The following ARID2 variants were observed in gnomAD, a reference collection of about 807,000 sequenced individuals.
ARID2 encodes AT-rich interactive domain-containing protein 2.
Under a neutral mutation model 184.6 loss-of-function variants are expected in ARID2, and 32 were observed. The observed-to-expected ratio is 0.17, with a 90% CI of 0.13 to 0.23. The LOEUF is 0.23. ARID2 is among the 10% of genes least tolerant of loss of function. ARID2 has a pLI of 1.00. For synonymous variants in ARID2, 836 were observed against 772.6 expected, an observed-to-expected ratio of 1.08 and a Z score of -1.36; for missense variants, 1,696 against 2,197.6, an observed-to-expected ratio of 0.77 and a Z score of 4.56.
At chr12:45,760,948 A>G (rs1941666785) in intron 3 of ARID2, among the ~76,000 whole-genome samples, 1 of 152,050 alleles carries the variant, frequency 6.6e-6, no homozygotes, top group African/African-American at 2.4e-5. Context: ...TGGAGCCCGA[A>G]TCTCCTGGAT....
At chr12:45,865,461 G>GT (rs1416289169) in intron 16 of ARID2, among the ~76,000 whole-genome samples, 2 of 151,714 alleles carry the variant, frequency 1.3e-5, no homozygotes, top group African/African-American at 4.8e-5. Context: ...GTAACCCTTT[G>GT]TTTTTTGTTA....
At position 45,836,753 on chromosome 12, in the gene ARID2, G is replaced by A. The variant is rs749340227; in HGVS notation, c.785G>A (p.Gly262Glu). The A allele has an allele frequency of 6.2e-7, 1 of 1,613,040 alleles. No individual in the cohort carries two copies. Among genetic ancestry groups the A allele is most frequent in the African/African-American group, 1.3e-5 (1 of 74,946 alleles). Residue 262 changes from glycine to glutamate, a missense_variant, in exon 8 of 21, where the codon GGA becomes GAA. By Grantham distance (98) the Gly-to-Glu change is moderately conservative. Around this residue, in one of 11 missense-constraint regions of ARID2, gnomAD observed 148 missense variants for 285.4 expected, o/e 0.52. Transcript: ENST00000334344. ...TTTTCTATTGTAGAAGGTACATCAG[G>A]AGAATGGATTTGGGAGTCTTTATTT... ...DRNKSHEGTS[G>E]EWIWESLFHP...
At chr12:45,830,105 T>A in intron 6 of ARID2, among the ~76,000 whole-genome samples, 1 of 150,418 alleles carries the variant, frequency 6.6e-6, no homozygotes, top group South Asian at 2.1e-4. Flanking sequence ...AAATATATAA[T>A]ATGTAAATTA....
intron 3 of ARID2, among the ~76,000 whole-genome samples, chr12:45,759,783 A>G (rs1026544514): frequency 6.6e-6 from 1 of 152,098 alleles, no homozygotes; most frequent in African/African-American, 2.4e-5. Flanking sequence ...GCTGGTCTCA[A>G]TCTCCTGTGC....
Position 45,729,782 on chromosome 12 carries a change from G to A in ARID2, c.-55G>A. 6.6e-7 allele frequency: 1 copy of A among 1,503,844 alleles called. No homozygotes were observed. The highest frequency in any genetic ancestry group is 9.0e-7 in the Non-Finnish European group (1 of 1,105,726). The allele number at this position is 1,503,844 out of a possible 1,614,324, so 93.2% of individuals were successfully genotyped here. On this transcript the variant is annotated 5_prime_UTR_variant, in exon 1 of 21. Transcript: ENST00000334344. ...CTCTGGTAGGAAGCGCTGGGAGCGG[G>A]GGGCGCTTTTAAAACACCGATCTGG...
intron 3 of ARID2, among the ~76,000 whole-genome samples, chr12:45,765,977 G>C (rs1471688594): frequency 6.6e-6 from 1 of 152,058 alleles, no homozygotes; most frequent in African/African-American, 2.4e-5. Context: ...ATTGATCCAT[G>C]TTGTTTCATA....
rs1942891057 is a variant in ARID2 at position 45,821,346 on chromosome 12, C to T, written c.638-74C>T. Reference sequence around the variant, plus strand: ...GATGTAGTTTTGTTGTTTTTCCAAGCCTATTATTAAATAATTAATTGAAAG... The same window carrying T: ...GATGTAGTTTTGTTGTTTTTCCAAGTCTATTATTAAATAATTAATTGAAAG... On this transcript the variant is annotated intron_variant, in intron 5 of 20. Transcript: ENST00000334344. The T allele has an allele frequency of 4.4e-6, 4 of 905,116 alleles. No homozygotes were observed. In the Admixed American group the frequency reaches 9.2e-5, roughly 21 times the overall value. 56.1% of individuals were successfully genotyped at this position (905,116 alleles called of 1,614,324 possible).
chr12:45,766,493 T>C (rs1941772053), intron 3 of ARID2, among the ~76,000 whole-genome samples: 1 of 151,182 alleles, frequency 6.6e-6, no homozygotes, highest in African/African-American at 2.4e-5. Context: ...TTGAAAATGA[T>C]GGAGAGTAGA....
At chr12:45,761,799 T>G (rs1302149744) in intron 3 of ARID2, among the ~76,000 whole-genome samples, 1 of 152,132 alleles carries the variant, frequency 6.6e-6, no homozygotes, top group Admixed American at 6.5e-5. Flanking sequence ...TTTTTCAAAT[T>G]CTTCTTCGTT....
chr12:45,843,972 G>T (rs911697793), intron 11 of ARID2, among the ~76,000 whole-genome samples: 1 of 152,078 alleles, frequency 6.6e-6, no homozygotes, highest in African/African-American at 2.4e-5. Flanking sequence ...AGTTGAATTT[G>T]CCATGAGTTC....
Position 45,897,723 on chromosome 12 carries a change from C to G in ARID2, c.5363+4002C>G, listed in dbSNP as rs549900670. ...TGGAAGCAACCTAAGTGTCTATCAT[C>G]GATGATAGACAAAATGTGGCATGTA... On this transcript the variant is annotated intron_variant, in intron 20 of 20. Coordinates refer to ENST00000334344, the MANE Select transcript of ARID2 (RefSeq NM_152641.4). Among the ~76,000 whole-genome samples the G allele has an allele frequency of 5.9e-5, 9 of 151,870 alleles. No homozygotes were observed. The East Asian group carries it at 1.5e-3, about 26-fold the overall frequency.
At chr12:45,797,836 C>T (rs1273421503) in intron 3 of ARID2, among the ~76,000 whole-genome samples, 2 of 151,752 alleles carry the variant, frequency 1.3e-5, no homozygotes, top group African/African-American at 4.8e-5. Context: ...ATTATTGATT[C>T]AGCTCTTCAT....
chr12:45,899,896 A>G (rs886896118), intron 20 of ARID2, among the ~76,000 whole-genome samples: 1 of 151,204 alleles, frequency 6.6e-6, no homozygotes, highest in Non-Finnish European at 1.5e-5. Flanking sequence ...TTATACATTT[A>G]TTGACTTCCC....
chr12:45,829,637 T>C (rs1409421318), intron 6 of ARID2, among the ~76,000 whole-genome samples: 3 of 151,868 alleles, frequency 2.0e-5, no homozygotes, highest in Non-Finnish European at 4.4e-5. Context: ...TATATTTTTA[T>C]TGTATTATTG....
At chr12:45,735,228 A>G (rs1383657201) in intron 3 of ARID2, among the ~76,000 whole-genome samples, 2 of 152,104 alleles carry the variant, frequency 1.3e-5, no homozygotes, top group Non-Finnish European at 2.9e-5. Flanking sequence ...TGTCCACCAT[A>G]TAGATCAATT....
At chr12:45,814,414 C>G (rs1303094934) in intron 4 of ARID2, among the ~76,000 whole-genome samples, 1 of 152,142 alleles carries the variant, frequency 6.6e-6, no homozygotes, top group African/African-American at 2.4e-5. Flanking sequence ...CTTTGAGAGA[C>G]CAAGGCTGGT....
intron 6 of ARID2, 25 bp downstream of exon 6, chr12:45,821,512 G>T: frequency 7.1e-7 from 1 of 1,415,744 alleles, no homozygotes; most frequent in South Asian, 1.6e-5. Context: ...TTAAAATGTT[G>T]ATTCATTGAG....
chr12:45,872,624 C>G (rs146884047), intron 16 of ARID2, among the ~76,000 whole-genome samples: 2 of 152,174 alleles, frequency 1.3e-5, no homozygotes, highest in Non-Finnish European at 1.5e-5. Context: ...CTTATAAAAT[C>G]GTCAGATCTC....
rs1454982963 is a variant in ARID2 at position 45,811,467 on chromosome 12, G to C, written c.334G>C (p.Glu112Gln). The C allele has an allele frequency of 2.5e-6, 4 of 1,613,638 alleles. No homozygotes were observed. The highest frequency in any genetic ancestry group is 3.4e-6 in the Non-Finnish European group (4 of 1,179,684). ...KVHHFGEDDDEVPPGNPKPQL... is the reference protein window; with the variant it reads ...KVHHFGEDDDQVPPGNPKPQL... ...TCATCATTTTGGGGAGGATGATGAT[G>C]AGGTACCACCAGGCAATCCAAAGCC... The change falls in exon 4 of 21, where the codon GAG becomes CAG. Residue 112 changes from glutamate to glutamine, a missense_variant. Physicochemically the swap from Glu to Gln is conservative, Grantham distance 29. Coordinates refer to ENST00000334344, the MANE Select transcript of ARID2 (RefSeq NM_152641.4).
Sources: gnomAD v4.1 joint callset for allele counts (sites outside exome capture counted in the v4.1 genomes callset) on GRCh38, gnomAD v4.1.1 for gene constraint, gnomAD v4.1.1 regional missense constraint, MANE v1.5 for transcripts, NCBI Gene and HGNC (gene_info 2026-07-23, HGNC 2026-07-21) for gene names.